Variants in EEF1G observed in about 807,000 individuals in gnomAD.
EEF1G encodes the protein eukaryotic translation elongation factor 1 gamma.
In EEF1G, 14 loss-of-function variants were observed where a neutral mutation model predicts 58.3. That is an observed-to-expected ratio of 0.24 (90% CI 0.16 to 0.38). The LOEUF is 0.38. Among genes scored for constraint, EEF1G ranks in the 10% least tolerant of loss-of-function variants. The pLI is 1.00. For missense variants in EEF1G, 322 were observed against 550.1 expected, an observed-to-expected ratio of 0.59 and a Z score of 4.15; for synonymous variants, 180 against 206.8, an observed-to-expected ratio of 0.87 and a Z score of 1.11.
chr11:62,566,262 G>T (rs578137526), intron 7 of EEF1G, among the ~76,000 whole-genome samples: 1 of 152,122 alleles, frequency 6.6e-6, no homozygotes, highest in African/African-American at 2.4e-5. Context: ...CTTCTACTTG[G>T]GGACTTTACT....
intron 2 of EEF1G, among the ~76,000 whole-genome samples, 187 bp from the exon 3 acceptor site, chr11:62,572,088 A>G (rs544619014): frequency 2.6e-5 from 4 of 152,206 alleles, no homozygotes; most frequent in East Asian, 3.9e-4. Context: ...TGAATTCACA[A>G]TGTTAACTAG....
Position 62,566,974 on chromosome 11 carries a change from G to A in EEF1G, c.689C>T (p.Thr230Ile), listed in dbSNP as rs368054471. 3 of 1,613,912 alleles carry A rather than the reference G, an allele frequency of 1.9e-6. No homozygotes were observed. The highest frequency in any genetic ancestry group is 1.1e-5 in the South Asian group (1 of 91,094). ...KFAETQPKKD[T>I]PRKEKGSREE... ...CCGTGAACCCTTCTCTTTCCGTGGTGTGTCCTTTTTAGGTTGGGTCTCTGC... is the reference window on the plus strand; with the variant it reads ...CCGTGAACCCTTCTCTTTCCGTGGTATGTCCTTTTTAGGTTGGGTCTCTGC... Residue 230 changes from threonine (T) to isoleucine (I), a missense_variant, in exon 7 of 10, where the codon ACA becomes ATA. Around this residue, in one of 3 missense-constraint regions of EEF1G, gnomAD observed 208 missense variants for 323.7 expected, o/e 0.64. Transcript: ENST00000329251.
In EEF1G at chr11:62,559,611, A is replaced by G; in HGVS notation, c.*68T>C. ...CAGGACAGGAAAGGGTTCAATGTTC[A>G]GTTTCCTTTAATGACCCCCATCTCC... On this transcript the variant is annotated 3_prime_UTR_variant, in exon 10 of 10. Coordinates refer to ENST00000329251, the MANE Select transcript of EEF1G (RefSeq NM_001404.5). 3 of 1,574,318 alleles carry G rather than the reference A, an allele frequency of 1.9e-6. No individual in the cohort carries two copies. The highest frequency in any genetic ancestry group is 2.6e-6 in the Non-Finnish European group (3 of 1,150,318).
intron 1 of EEF1G, chr11:62,573,395 C>G (rs1388107439): frequency 4.6e-6 from 1 of 216,510 alleles, no homozygotes; most frequent in Non-Finnish European, 9.4e-6. Context: ...ACTTCACTGT[C>G]CGGAGAATCC....
At chr11:62,573,688 C>T in intron 1 of EEF1G, 143 bp downstream of exon 1, 2 of 1,214,904 alleles carry the variant, frequency 1.6e-6, no homozygotes, top group Non-Finnish European at 2.4e-6. Flanking sequence ...CCCTAGGAAC[C>T]CTACTCTCCA....
In EEF1G at chr11:62,566,397, C is replaced by T. The variant is rs982005016; in HGVS notation, c.857+409G>A. On this transcript the variant is annotated intron_variant, in intron 7 of 9. Transcript: ENST00000329251. ...AAACAAAACAATTCAAAGGACCCTG[C>T]TCTGGCATCCACTATCTCCGCACAG... Among the ~76,000 whole-genome samples the T allele has an allele frequency of 3.3e-5, 5 of 152,340 alleles. No homozygotes were observed. In the East Asian group the frequency reaches 9.7e-4, roughly 29 times the overall value.
At chr11:62,572,979 GGAC>G (rs1941654191) in intron 1 of EEF1G, 1 of 362,454 alleles carries the variant, frequency 2.8e-6, no homozygotes, top group South Asian at 6.8e-5. Context: ...CCTTCCCTAA[GGAC>G]ACCTCTGGAA....
Position 62,570,946 on chromosome 11 carries a change from G to C in EEF1G, c.522+19C>G. ...ATCCCCATCTACCCACTGCCAAATG[G>C]ATTTTCCATAAACTTCACCTGCTTA... On this transcript the variant is annotated intron_variant, in intron 5 of 9. Transcript: ENST00000329251. The C allele has an allele frequency of 6.2e-7, 1 of 1,613,578 alleles. No individual in the cohort carries two copies. The highest frequency in any genetic ancestry group is 1.1e-5 in the South Asian group (1 of 91,072).
chr11:62,571,939 C>A (rs745548258), intron 2 of EEF1G, 38 bp from the exon 3 acceptor site: 8 of 1,547,248 alleles, frequency 5.2e-6, no homozygotes, highest in Admixed American at 2.0e-5. Flanking sequence ...GTAAAACACA[C>A]AAAATTTCTT....
chr11:62,570,748 G>C (rs112310853), intron 5 of EEF1G, among the ~76,000 whole-genome samples: 1 of 152,046 alleles, frequency 6.6e-6, no homozygotes, highest in Non-Finnish European at 1.5e-5. Flanking sequence ...TAGAGACAGG[G>C]TTTTACCATG....
intron 4 of EEF1G, 22 bp from the exon 5 acceptor site, chr11:62,571,130 A>G (rs1271201995): frequency 6.2e-7 from 1 of 1,613,072 alleles, no homozygotes; most frequent in East Asian, 2.2e-5. Flanking sequence ...ACATGATAAA[A>G]CTCATCAGTG....
rs1268682231 is a variant in EEF1G at position 62,567,640 on chromosome 11, C to T, written c.523-112G>A. ...CCCAGTGCTCACCTTCTTTTCAAAC[C>T]CTATAGACAATAGCTTCATACAACA... is the stretch of plus-strand genomic sequence containing the variant. On this transcript the variant is annotated intron_variant, in intron 5 of 9. Transcript: ENST00000329251. The T allele has an allele frequency of 6.5e-6, 7 of 1,082,004 alleles. No homozygotes were observed. The Admixed American group carries it at 1.0e-4, about 16-fold the overall frequency. The allele number at this position is 1,082,004 out of a possible 1,614,324, so 67.0% of individuals were successfully genotyped here. A position where few individuals can be genotyped will look rare whatever the true frequency, so the allele number is the denominator to read the frequency against.
At chr11:62,568,404 AAAAAAAAT>A (rs1941583350) in intron 5 of EEF1G, among the ~76,000 whole-genome samples, 1 of 150,970 alleles carries the variant, frequency 6.6e-6, no homozygotes, top group Non-Finnish European at 1.5e-5. Context: ...AAAAAAAAAA[AAAAAAAAT>A]TTTAATAGAG....
rs143106110 is a variant in EEF1G, at chr11:62,564,665, A to G, written c.857+2141T>C. On this transcript the variant is annotated intron_variant, in intron 7 of 9. Coordinates refer to ENST00000329251, the MANE Select transcript of EEF1G (RefSeq NM_001404.5). ...TAGTCCCAGCTACTCAAGAGGCTGA[A>G]GCAGAACTGCTTGAACCCGGCAGGT... is the stretch of plus-strand genomic sequence containing the variant. Among the ~76,000 whole-genome samples, 1,403 of 149,450 alleles carry G rather than the reference A, an allele frequency of 9.4e-3. 17 individuals are homozygous for G. The highest frequency in any genetic ancestry group is 0.033 in the African/African-American group (1,325 of 40,496).
intron 5 of EEF1G, 94 bp from the exon 6 acceptor site, chr11:62,567,622 C>A: frequency 3.1e-6 from 4 of 1,308,508 alleles, no homozygotes; most frequent in Non-Finnish European, 4.1e-6. Context: ...AGTCCCAGTG[C>A]TCACCTTCTT....
chr11:62,569,225 C>A (rs1374943354), intron 5 of EEF1G, among the ~76,000 whole-genome samples: 1 of 152,042 alleles, frequency 6.6e-6, no homozygotes, highest in Non-Finnish European at 1.5e-5. Flanking sequence ...GCAATCCCAG[C>A]ACTTGGGAGG....
chr11:62,564,538 G>A (rs71490392), intron 7 of EEF1G, among the ~76,000 whole-genome samples: 39,089 of 149,442 alleles, frequency 0.26, 6,004 homozygotes, highest in Non-Finnish European at 0.36. Flanking sequence ...GGAGACGGGC[G>A]GATCACGAGG....
intron 9 of EEF1G, 58 bp downstream of exon 9, chr11:62,560,011 A>T: frequency 6.2e-7 from 1 of 1,610,864 alleles, no homozygotes; most frequent in Non-Finnish European, 8.5e-7. Context: ...AATAAAACAC[A>T]GTGCTTCTTA....
rs1941478676 is a variant in EEF1G, at chr11:62,560,193, C to T, written c.1031G>A (p.Gly344Glu). The change falls in exon 9 of 10, where the codon GGA becomes GAA. Residue 344 changes from glycine to glutamate, a missense_variant and splice_region_variant. Gly to Glu is a moderately conservative substitution (Grantham distance 98). Coordinates refer to ENST00000329251, the MANE Select transcript of EEF1G (RefSeq NM_001404.5). ...CAGCTTGTCCAGTCGCTGGAACATT[C>T]CTGAAGCGGCAAGGGAGAACATTCA... is the stretch of plus-strand genomic sequence containing the variant. ...QTFMSCNLITGMFQRLDKLRK... is the reference protein window; with the variant it reads ...QTFMSCNLITEMFQRLDKLRK... 1 of 1,614,046 alleles carries T rather than the reference C, an allele frequency of 6.2e-7. No individual in the cohort carries two copies. The highest frequency in any genetic ancestry group is 8.5e-7 in the Non-Finnish European group (1 of 1,179,904).
Sources: gnomAD v4.1 joint callset for allele counts (sites outside exome capture counted in the v4.1 genomes callset) on GRCh38, gnomAD v4.1.1 for gene constraint, gnomAD v4.1.1 regional missense constraint, MANE v1.5 for transcripts, NCBI Gene and HGNC (gene_info 2026-07-23, HGNC 2026-07-21) for gene names.